OGG1: variants seen among roughly 807,000 people sequenced by gnomAD.
OGG1 encodes the protein N-glycosylase/DNA lyase.
Under a neutral mutation model 42.3 loss-of-function variants are expected in OGG1, and 35 were observed. The ratio of observed to expected loss-of-function variants is 0.83; its 90% CI spans 0.63 to 1.10. OGG1 has a LOEUF of 1.10. Ranked by LOEUF, OGG1 falls within the 50% of genes least tolerant of loss-of-function variation. The pLI is 0.00. For synonymous variants in OGG1, 189 were observed against 179.0 expected, an observed-to-expected ratio of 1.06 and a Z score of -0.44; for missense variants, 484 against 446.7, an observed-to-expected ratio of 1.08 and a Z score of -0.75.
chr3:9,762,967 G>A, intron 7 of OGG1: 1 of 1,614,168 alleles, frequency 6.2e-7, no homozygotes, highest in Non-Finnish European at 8.5e-7. Context: ...ACAGCATCCA[G>A]CACCTGGAAG....
downstream of OGG1, chr3:9,760,954 GC>G: frequency 2.4e-6 from 2 of 844,076 alleles, no homozygotes; most frequent in Non-Finnish European, 3.5e-6. Context: ...TGTATGTGCC[GC>G]CATCTTGCCC....
chr3:9,760,422 T>C (rs183656675), downstream of OGG1: 23 of 465,048 alleles, frequency 4.9e-5, no homozygotes, highest in Non-Finnish European at 7.9e-5. Flanking sequence ...TATTTTCAAA[T>C]AGACTATGTT....
intron 2 of OGG1, 149 bp from the exon 3 acceptor site, chr3:9,751,621 A>AG (rs1353652810): frequency 2.5e-6 from 2 of 784,394 alleles, no homozygotes; most frequent in Admixed American, 3.6e-5. Context: ...GAGGAATGAG[A>AG]GGTCTGGTGT....
At chr3:9,756,005 T>C (rs1438145115) in intron 4 of OGG1, among the ~76,000 whole-genome samples, 1 of 152,180 alleles carries the variant, frequency 6.6e-6, no homozygotes, top group Non-Finnish European at 1.5e-5. Context: ...TAGTAGCACC[T>C]CTTATTACAG....
intron 3 of OGG1, among the ~76,000 whole-genome samples, chr3:9,784,873 A>G (rs929383366): frequency 6.6e-6 from 1 of 151,990 alleles, no homozygotes; most frequent in Admixed American, 6.6e-5. Flanking sequence ...TCAAAAAAAA[A>G]AAAAGAAAAA....
chr3:9,760,668 TGTC>T (rs759945660), downstream of OGG1: 5 of 1,613,706 alleles, frequency 3.1e-6, no homozygotes, highest in Non-Finnish European at 4.2e-6. Context: ...GAGTCAGAGA[TGTC>T]GTCCCAGTAA....
chr3:9,760,879 C>A, downstream of OGG1: 1 of 1,482,360 alleles, frequency 6.7e-7, no homozygotes. Flanking sequence ...GGAGTTCCCC[C>A]TTTATAAACT....
At chr3:9,759,273 C>T (rs757163092), downstream of OGG1, 38 of 1,613,268 alleles carry the variant, frequency 2.4e-5, no homozygotes, top group Middle Eastern at 1.6e-4. Flanking sequence ...AGACTTCTTC[C>T]TCTAGACTTG....
chr3:9,789,882 T>G, downstream of OGG1: 1 of 1,614,250 alleles, frequency 6.2e-7, no homozygotes, highest in Non-Finnish European at 8.5e-7. Flanking sequence ...TTCCCATGTT[T>G]GGGGGGAGCT....
downstream of OGG1, among the ~76,000 whole-genome samples, chr3:9,790,325 T>C (rs1381641246): frequency 6.6e-6 from 1 of 152,254 alleles, no homozygotes; most frequent in Non-Finnish European, 1.5e-5. Context: ...GGTTCTTAGA[T>C]GCTAAAATAC....
At chr3:9,790,148 G>A (rs979388258), downstream of OGG1, among the ~76,000 whole-genome samples, 1 of 152,110 alleles carries the variant, frequency 6.6e-6, no homozygotes, top group East Asian at 1.9e-4. Flanking sequence ...TGGCCTCCTA[G>A]AACTTTATTC....
chr3:9,771,962 G>A (rs562659434), intron 2 of OGG1, among the ~76,000 whole-genome samples: 8 of 151,822 alleles, frequency 5.3e-5, no homozygotes, highest in Middle Eastern at 3.4e-3. Flanking sequence ...GACTACAGGC[G>A]TGAACCAACA....
chr3:9,774,631 A>G (rs2078342409), intron 2 of OGG1, among the ~76,000 whole-genome samples: 1 of 152,204 alleles, frequency 6.6e-6, no homozygotes, highest in Admixed American at 6.5e-5. Context: ...GTCAAAGGAT[A>G]CAGATAAAAC....
intron 3 of OGG1, chr3:9,787,245 G>C (rs758880193): frequency 1.2e-6 from 2 of 1,614,222 alleles, no homozygotes; most frequent in South Asian, 1.1e-5. Flanking sequence ...CTTTCTTCTT[G>C]TCAGCCACAG....
At position 9,756,830 on chromosome 3, in the gene OGG1, G is replaced by T; in HGVS notation, c.948+14G>T. On this transcript the variant is annotated intron_variant, in intron 6 of 6. Coordinates refer to ENST00000344629, the MANE Select transcript of OGG1 (RefSeq NM_002542.6). ...TGGGCCCAAGCGGTGAGTGTACCTA[G>T]GTGTCCTCCCTAGGTTTCCTCTCCT... is the stretch of plus-strand genomic sequence containing the variant. The T allele has an allele frequency of 3.1e-6, 5 of 1,613,568 alleles. No individual in the cohort carries two copies. The highest frequency in any genetic ancestry group is 4.2e-6 in the Non-Finnish European group (5 of 1,179,932).
chr3:9,787,234 C>A (rs750851337), intron 3 of OGG1: 1 of 1,614,076 alleles, frequency 6.2e-7, no homozygotes, highest in African/African-American at 1.3e-5. Flanking sequence ...CCCCATGAGG[C>A]CTTTCTTCTT....
intron 2 of OGG1, among the ~76,000 whole-genome samples, chr3:9,774,933 G>A (rs948671425): frequency 2.6e-5 from 4 of 152,000 alleles, no homozygotes; most frequent in Admixed American, 6.6e-5. Flanking sequence ...TTAGGACAAG[G>A]CTATATGCTC....
chr3:9,762,831 A>G (rs1296603429), intron 7 of OGG1: 8 of 1,408,800 alleles, frequency 5.7e-6, no homozygotes, highest in Admixed American at 3.7e-5. Flanking sequence ...AGGGGGTGAA[A>G]GTTGCCCAAG....
chr3:9,782,221 A>G (rs2078493207), intron 3 of OGG1, among the ~76,000 whole-genome samples: 1 of 152,102 alleles, frequency 6.6e-6, no homozygotes, highest in Admixed American at 6.5e-5. Context: ...TGCCTCTTCC[A>G]TCTGTGTTTT....
Sources: gnomAD v4.1 joint callset for allele counts (sites outside exome capture counted in the v4.1 genomes callset) on GRCh38, gnomAD v4.1.1 for gene constraint, MANE v1.5 for transcripts, NCBI Gene and HGNC (gene_info 2026-07-23, HGNC 2026-07-21) for gene names.